The following ABI3BP variants were observed in gnomAD, a reference collection of about 807,000 sequenced individuals.
ABI3BP encodes the protein target of Nesh-SH3.
A neutral mutation model predicts 268.6 loss-of-function variants in ABI3BP; 216 were observed. The observed-to-expected ratio is 0.80, with a 90% CI of 0.72 to 0.90. The LOEUF (loss-of-function observed/expected upper bound fraction) is 0.90. Among genes scored for constraint, ABI3BP ranks in the 40% least tolerant of loss-of-function variants. ABI3BP has a pLI of 0.00. For synonymous variants in ABI3BP, 730 were observed against 730.0 expected (o/e 1.00, Z 0.00); for missense variants, 2,090 against 2,182.4 (o/e 0.96, Z 0.84).
At chr3:100,903,621 T>A (rs1393373406) in intron 2 of ABI3BP, among the ~76,000 whole-genome samples, 1 of 152,236 alleles carries the variant, frequency 6.6e-6, no homozygotes, top group Non-Finnish European at 1.5e-5. Flanking sequence ...CAGGCAGACT[T>A]CATATCTTTG....
In ABI3BP at chr3:100,838,414, G is replaced by C; in HGVS notation, c.1996C>G (p.Gln666Glu). 6.5e-7 allele frequency: 1 copy of C among 1,535,850 alleles called. No individual in the cohort carries two copies. ...PKTTHRPDAP[Q>E]IQPGSKPPKQ... ...AAGTAATGATTACCAGGCTGAATTT[G>C]AGGTGCATCTGGTCTGTGTGTGGTT... Residue 666 changes from glutamine to glutamate, a missense_variant, in exon 25 of 68, where the codon CAA becomes GAA. By Grantham distance (29) the Gln-to-Glu change is conservative. Transcript: ENST00000471714.
chr3:100,909,775 G>A (rs1406661362), intron 2 of ABI3BP, among the ~76,000 whole-genome samples: 4 of 152,178 alleles, frequency 2.6e-5, no homozygotes, highest in African/African-American at 9.7e-5. Flanking sequence ...AACAACAGAT[G>A]CTGAGAGGAT....
At chr3:100,903,094 G>A (rs983403105) in intron 2 of ABI3BP, among the ~76,000 whole-genome samples, 1 of 152,138 alleles carries the variant, frequency 6.6e-6, no homozygotes, top group East Asian at 1.9e-4. Context: ...GACACCGTGG[G>A]CCTCACCTGT....
intron 56 of ABI3BP, among the ~76,000 whole-genome samples, chr3:100,788,983 G>A (rs7628455): frequency 0.62 from 93,686 of 151,908 alleles, 31,456 homozygotes; most frequent in East Asian, 0.94. Context: ...TAAATTTAAC[G>A]TATTTCCCAA....
In ABI3BP at chr3:100,795,022, C is replaced by A; in HGVS notation, c.3866-19G>T. On this transcript the variant is annotated intron_variant, in intron 53 of 67. Coordinates refer to ENST00000471714, the MANE Select transcript of ABI3BP (RefSeq NM_001375547.2). ...AGAGGAGCTGCAAAAAGAAAAGGACCAAGGTTGTAAATTTTTAGATTCAAA... is the reference window on the plus strand; with the variant it reads ...AGAGGAGCTGCAAAAAGAAAAGGACAAAGGTTGTAAATTTTTAGATTCAAA... The A allele has an allele frequency of 3.5e-6, 5 of 1,422,282 alleles. No homozygotes were observed. The highest frequency in any genetic ancestry group is 1.5e-5 in the South Asian group (1 of 65,144). The allele number at this position is 1,422,282 out of a possible 1,614,324, so 88.1% of individuals were successfully genotyped here. A position where few individuals can be genotyped will look rare whatever the true frequency, so the allele number is the denominator to read the frequency against.
chr3:100,921,234 A>G (rs2060125988), intron 2 of ABI3BP, among the ~76,000 whole-genome samples: 1 of 152,194 alleles, frequency 6.6e-6, no homozygotes, highest in East Asian at 1.9e-4. Flanking sequence ...TGTCATAGTG[A>G]ACACATATTT....
intron 2 of ABI3BP, chr3:100,914,550 C>T (rs996449454): frequency 1.2e-5 from 5 of 400,168 alleles, no homozygotes; most frequent in Admixed American, 2.9e-5. Context: ...CATGTTGGTG[C>T]GGATGTCACA....
At chr3:100,787,901 A>G (rs2097097345) in intron 56 of ABI3BP, 99 bp from the exon 57 acceptor site, 1 of 770,950 alleles carries the variant, frequency 1.3e-6, no homozygotes, top group Non-Finnish European at 1.9e-6. Context: ...TTTAGGCAAT[A>G]AAAAAGATGA....
chr3:100,913,108 T>G (rs931445922), intron 2 of ABI3BP, among the ~76,000 whole-genome samples: 12 of 152,168 alleles, frequency 7.9e-5, no homozygotes, highest in African/African-American at 2.9e-4. Context: ...GTTCTAAGTT[T>G]CAACAGGGGG....
At chr3:100,775,137 C>T (rs2096663437) in intron 60 of ABI3BP, 70 bp downstream of exon 60, 14 of 1,554,082 alleles carry the variant, frequency 9.0e-6, no homozygotes. Context: ...ACTCACCCAT[C>T]CCCACCAACA....
intron 44 of ABI3BP, among the ~76,000 whole-genome samples, 169 bp downstream of exon 44, chr3:100,815,743 G>A (rs547904631): frequency 2.0e-5 from 3 of 152,020 alleles, no homozygotes; most frequent in Non-Finnish European, 4.4e-5. Flanking sequence ...GGACATCTGC[G>A]AAAAACAACA....
At position 100,821,100 on chromosome 3, in the gene ABI3BP, C is replaced by A. The variant is rs1181804621; in HGVS notation, c.2901G>T (p.Glu967Asp). The A allele has an allele frequency of 6.5e-7, 1 of 1,535,872 alleles. No individual in the cohort carries two copies. Among genetic ancestry groups the A allele is most frequent in the Admixed American group, 2.0e-5 (1 of 51,000 alleles). ...CAGTTCTGAGTGTAACAGGTTTGAG[C>A]TCCGCAGTAGGAACTGATCAAAAGC... is the stretch of plus-strand genomic sequence containing the variant. ...APESKPVPTA[E>D]LKPVTLRTET... The change falls in exon 39 of 68, where the codon GAG becomes GAT. Residue 967 changes from glutamate to aspartate, a missense_variant. Coordinates refer to ENST00000471714, the MANE Select transcript of ABI3BP (RefSeq NM_001375547.2).
At chr3:100,933,762 T>C (rs1471316120) in intron 1 of ABI3BP, among the ~76,000 whole-genome samples, 2 of 151,582 alleles carry the variant, frequency 1.3e-5, no homozygotes, top group East Asian at 1.9e-4. Context: ...AAAGGAGACA[T>C]AGGATAGCCA....
chr3:100,987,347 A>T (rs1194825523), intron 1 of ABI3BP, among the ~76,000 whole-genome samples: 1 of 152,116 alleles, frequency 6.6e-6, no homozygotes, highest in African/African-American at 2.4e-5. Context: ...GAATTCTTCT[A>T]TTTTCAGGTG....
chr3:100,967,949 C>G (rs1029463378), intron 1 of ABI3BP, among the ~76,000 whole-genome samples: 1 of 152,102 alleles, frequency 6.6e-6, no homozygotes, highest in African/African-American at 2.4e-5. Context: ...AGGTCAGTAG[C>G]CACACTGCCT....
In ABI3BP at chr3:100,757,710, A is replaced by T. The variant is rs137969826; in HGVS notation, c.4851-3019T>A. 4.4e-3 allele frequency among the ~76,000 whole-genome samples: 676 copies of T among 152,292 alleles called. 3 individuals are homozygous for T. Among genetic ancestry groups the T allele is most frequent in the African/African-American group, 0.015 (614 of 41,560 alleles). On this transcript the variant is annotated intron_variant, in intron 63 of 67. Coordinates refer to ENST00000471714, the MANE Select transcript of ABI3BP (RefSeq NM_001375547.2). Reference sequence around the variant, plus strand: ...AGGATGTATAGGAATTCCAAAAGAGATGTTGCCATTAAAAACATACAACAA... The same window carrying T: ...AGGATGTATAGGAATTCCAAAAGAGTTGTTGCCATTAAAAACATACAACAA...
intron 6 of ABI3BP, among the ~76,000 whole-genome samples, chr3:100,884,324 C>CT (rs1288101427): frequency 6.6e-6 from 1 of 152,106 alleles, no homozygotes; most frequent in Non-Finnish European, 1.5e-5. Context: ...CCTGCAATCT[C>CT]TTTTTTGTAT....
At chr3:100,970,998 A>G (rs771779391) in intron 1 of ABI3BP, among the ~76,000 whole-genome samples, 7 of 152,178 alleles carry the variant, frequency 4.6e-5, no homozygotes, top group African/African-American at 1.7e-4. Flanking sequence ...TCAAACAAAG[A>G]GTTCTTAAAG....
chr3:100,970,294 A>G (rs1381525952), intron 1 of ABI3BP, among the ~76,000 whole-genome samples: 1 of 152,244 alleles, frequency 6.6e-6, no homozygotes, highest in South Asian at 2.1e-4. Flanking sequence ...TAAAATCAGA[A>G]GCATCAATTT....
Sources: allele counts gnomAD v4.1 joint callset (sites outside exome capture counted in the v4.1 genomes callset), GRCh38; gene constraint gnomAD v4.1.1; transcripts MANE v1.5; gene names NCBI Gene and HGNC (gene_info 2026-07-23, HGNC 2026-07-21).